Variants in GLS observed in about 807,000 individuals in gnomAD.
GLS encodes glutaminase.
A neutral mutation model predicts 86.7 loss-of-function variants in GLS; 36 were observed. The ratio of observed to expected loss-of-function variants is 0.42; its 90% confidence interval spans 0.32 to 0.55. GLS has a LOEUF of 0.55. GLS is among the 20% of genes least tolerant of loss of function. The pLI is 0.17. For missense variants in GLS, 528 were observed against 833.4 expected (o/e 0.63, Z 4.51); for synonymous variants, 317 against 305.9 (o/e 1.04, Z -0.38).
At chr2:190,917,339 C>T (rs771602240) in intron 7 of GLS, among the ~76,000 whole-genome samples, 5 of 152,190 alleles carry the variant, frequency 3.3e-5, no homozygotes, top group African/African-American at 7.2e-5. Flanking sequence ...CATGAGATTG[C>T]AGCAATTCAG....
chr2:190,881,666 C>A, intron 1 of GLS, 196 bp downstream of exon 1: 1 of 530,358 alleles, frequency 1.9e-6, no homozygotes. Flanking sequence ...CGCAACCCTC[C>A]GCCAGGCACC....
chr2:190,899,008 C>G (rs1489333113), intron 3 of GLS, among the ~76,000 whole-genome samples: 1 of 152,150 alleles, frequency 6.6e-6, no homozygotes, highest in Admixed American at 6.5e-5. Context: ...CAGCAGCTCT[C>G]ATTTTTGCAT....
At position 190,935,132 on chromosome 2, in the gene GLS, AC is replaced by A. The variant is rs1690233855; in HGVS notation, c.1650+3496del. The A allele has an allele frequency of 1.1e-6, 1 of 939,610 alleles. No individual in the cohort carries two copies. 58.2% of individuals were successfully genotyped at this position (939,610 alleles called of 1,614,324 possible). The stretch of plus-strand genomic sequence containing the variant: ...TTGAAATGCATATTGTTCTTGAAGT[AC>A]TTTGTTTTTAGCATAAATGTTGTGC... On this transcript the variant is annotated intron_variant, in intron 14 of 17. Transcript: ENST00000320717. This position sits in a 1 kb window ranked among gnomAD's most constrained non-coding sequence, Gnocchi z 4.2.
chr2:190,918,796 T>G (rs948122619), intron 7 of GLS, among the ~76,000 whole-genome samples: 7 of 152,258 alleles, frequency 4.6e-5, no homozygotes, highest in African/African-American at 1.7e-4. Context: ...GAGGCCATAG[T>G]AGGGTTATTA....
chr2:190,894,169 G>A (rs1688653809), intron 1 of GLS, among the ~76,000 whole-genome samples: 1 of 152,040 alleles, frequency 6.6e-6, no homozygotes, highest in South Asian at 2.1e-4. Flanking sequence ...TTCTGTATAT[G>A]TTAAGAGATT....
chr2:190,925,425 C>A (rs534421440), intron 11 of GLS, among the ~76,000 whole-genome samples: 1 of 152,214 alleles, frequency 6.6e-6, no homozygotes, highest in East Asian at 1.9e-4. Context: ...GCGAGAGGGA[C>A]CGTGTTACGC....
rs185595627 is a variant in GLS, at chr2:190,965,475, T to C, written c.*2489T>C. On this transcript the variant is annotated 3_prime_UTR_variant, in exon 18 of 18. Coordinates refer to ENST00000320717, the MANE Select transcript of GLS (RefSeq NM_014905.5). The surrounding 1 kb of genome is among the most constrained non-coding windows in gnomAD (Gnocchi z 5.0). ...ACTACAAGTTGTAAGTATTCTGAAA[T>C]TGGGAAACATTTATTTTAAATGCAA... The C allele has an allele frequency of 2.0e-5, 3 of 152,740 alleles. No homozygotes were observed. The highest frequency in any genetic ancestry group is 1.3e-4 in the Admixed American group (2 of 15,294). 9.5% of individuals were successfully genotyped at this position (152,740 alleles called of 1,614,324 possible). A position where few individuals can be genotyped will look rare whatever the true frequency, so the allele number is the denominator to read the frequency against.
At position 190,902,013 on chromosome 2, in the gene GLS, G is replaced by A. The variant is rs780773190; in HGVS notation, c.802G>A (p.Val268Ile). The A allele has an allele frequency of 1.9e-5, 30 of 1,605,094 alleles. No individual in the cohort carries two copies. The Admixed American group carries it at 4.8e-4, about 26-fold the overall frequency. ...TTTGTGGGGTGTGTCTGTTTGTACA[G>A]TAGATGGACAGAGGTAAGTTTATTT... The part of the protein sequence containing the change: ...PDLWGVSVCT[V>I]DGQRHSTGDT... The change falls in exon 5 of 18, where the codon GTA becomes ATA. Residue 268 changes from valine to isoleucine, a missense_variant. Val to Ile is a conservative substitution (Grantham distance 29). This residue lies in a region of GLS where 111 missense variants were observed against 179.5 expected (regional missense o/e 0.62). Coordinates refer to ENST00000320717, the MANE Select transcript of GLS (RefSeq NM_014905.5).
intron 1 of GLS, among the ~76,000 whole-genome samples, chr2:190,883,389 C>T (rs1367707503): frequency 6.6e-6 from 1 of 152,192 alleles, no homozygotes; most frequent in Non-Finnish European, 1.5e-5. Flanking sequence ...GCTTAGCCTG[C>T]AAAGCATAGG....
intron 7 of GLS, among the ~76,000 whole-genome samples, 153 bp downstream of exon 7, chr2:190,910,474 A>T (rs1689318572): frequency 6.6e-6 from 1 of 152,028 alleles, no homozygotes; most frequent in Non-Finnish European, 1.5e-5. Flanking sequence ...TAGGATCTTT[A>T]TTTCAAAATA....
intron 14 of GLS, among the ~76,000 whole-genome samples, chr2:190,941,890 C>G (rs554267761): frequency 6.6e-6 from 1 of 152,028 alleles, no homozygotes; most frequent in Non-Finnish European, 1.5e-5. Flanking sequence ...ATACAGCTAG[C>G]TTCCTGGGGC....
intron 1 of GLS, among the ~76,000 whole-genome samples, chr2:190,893,532 G>A (rs1022948675): frequency 1.3e-5 from 2 of 152,198 alleles, no homozygotes; most frequent in Non-Finnish European, 2.9e-5. Flanking sequence ...TTAGCACAGT[G>A]TGTAGAATAT....
At chr2:190,918,515 TA>T (rs954656975) in intron 7 of GLS, among the ~76,000 whole-genome samples, 4 of 152,166 alleles carry the variant, frequency 2.6e-5, no homozygotes, top group African/African-American at 9.6e-5. Context: ...ATTTTTTTTT[TA>T]TCTAGACCAC....
chr2:190,946,092 T>C (rs1690570865), intron 14 of GLS, among the ~76,000 whole-genome samples: 1 of 152,174 alleles, frequency 6.6e-6, no homozygotes, highest in East Asian at 1.9e-4. Flanking sequence ...TAATTTTTTT[T>C]TACACATCCT....
chr2:190,942,011 T>C (rs982799366), intron 14 of GLS, among the ~76,000 whole-genome samples: 5 of 151,170 alleles, frequency 3.3e-5, no homozygotes, highest in African/African-American at 1.2e-4. Context: ...AAAGGTCTTA[T>C]ATGCTATATT....
rs369291057 is a variant in GLS, at chr2:190,881,054, C to T, written c.-31C>T. On this transcript the variant is annotated 5_prime_UTR_variant, in exon 1 of 18. Transcript: ENST00000320717. ...CCGCCCACGCCCGGAGCATCCTCCCCTGTTGAGCGGGCGCTGACGGACCCG... is the reference window on the plus strand; with the variant it reads ...CCGCCCACGCCCGGAGCATCCTCCCTTGTTGAGCGGGCGCTGACGGACCCG... 1,034 of 1,535,768 alleles carry T rather than the reference C, an allele frequency of 6.7e-4. 17 individuals carry two copies. In the African/African-American group the frequency reaches 0.013, roughly 19 times the overall value.
rs1391703362 is a variant in GLS, at chr2:190,883,157, G to T, written c.386+1687G>T. ...TCTTCTGTGATTCACTTGTCCAGAA[G>T]TTTCTGGTTTCATTGCCTTTTTAAT... On this transcript the variant is annotated intron_variant, in intron 1 of 17. Coordinates refer to ENST00000320717, the MANE Select transcript of GLS (RefSeq NM_014905.5). Among the ~76,000 whole-genome samples, 5 of 152,140 alleles carry T rather than the reference G, an allele frequency of 3.3e-5. 1 individual carries two copies. The highest frequency in any genetic ancestry group is 9.7e-5 in the African/African-American group (4 of 41,432).
intron 3 of GLS, among the ~76,000 whole-genome samples, chr2:190,898,805 A>G (rs1280738184): frequency 6.6e-6 from 1 of 152,054 alleles, no homozygotes; most frequent in Non-Finnish European, 1.5e-5. Flanking sequence ...CTAATTTTGT[A>G]TTTTTAGTAG....
chr2:190,902,088 A>G, intron 5 of GLS, 62 bp downstream of exon 5: 1 of 887,838 alleles, frequency 1.1e-6, no homozygotes, highest in Non-Finnish European at 1.9e-6. Context: ...TAATGGTGAG[A>G]ATGACATGGA....
Sources: allele counts gnomAD v4.1 joint callset (sites outside exome capture counted in the v4.1 genomes callset), GRCh38; gene constraint gnomAD v4.1.1; regional missense constraint gnomAD v4.1.1; non-coding constraint Gnocchi (gnomAD v3.1); transcripts MANE v1.5; gene names NCBI Gene and HGNC (gene_info 2026-07-23, HGNC 2026-07-21).